Variants in PTCHD1 observed in about 807,000 individuals in gnomAD.
PTCHD1 encodes patched domain-containing protein 1.
A neutral mutation model predicts 34.6 loss-of-function variants in PTCHD1; 3 were observed. That is an observed-to-expected ratio of 0.09 (90% CI 0.04 to 0.22). The LOEUF (loss-of-function observed/expected upper bound fraction) is 0.22. PTCHD1 is among the 10% of genes least tolerant of loss of function. The pLI is 1.00. For synonymous variants in PTCHD1, 305 were observed against 283.1 expected (o/e 1.08, Z -0.77); for missense variants, 504 against 685.5 (o/e 0.74, Z 2.96).
At position 23,358,266 on chromosome X, in the gene PTCHD1, C is replaced by G. The variant is rs186634200; in HGVS notation, c.352-21325C>G. ...TCCACAATGATTGAACTAGTTTACA[C>G]TCCCACCAACAGTGTAAAAGTGTTC... is the stretch of plus-strand genomic sequence containing the variant. On this transcript the variant is annotated intron_variant, in intron 1 of 2. Transcript: ENST00000379361. Among the ~76,000 whole-genome samples, 291 of 112,150 alleles carry G rather than the reference C, an allele frequency of 2.6e-3. 1 individual carries two copies. Among genetic ancestry groups the G allele is most frequent in the African/African-American group, 9.1e-3 (281 of 30,887 alleles).
chrX:23,345,698 C>G (rs1289030080), intron 1 of PTCHD1, among the ~76,000 whole-genome samples: 1 of 111,265 alleles, frequency 9.0e-6, no homozygotes, highest in Non-Finnish European at 1.9e-5. Flanking sequence ...ACCACACTTT[C>G]AGAGCCACTG....
rs1246199302 is a variant in PTCHD1, at chrX:23,403,391, C to T, written c.*9206C>T. ...CTTGGTCAGTTTTGAGACAGATAAG[C>T]ATAAAACCCTACTAGAAAAAAATAA... On this transcript the variant is annotated 3_prime_UTR_variant, in exon 3 of 3. Transcript: ENST00000379361. The T allele has an allele frequency of 9.0e-6, 1 of 111,681 alleles. No individual in the cohort carries two copies. Among genetic ancestry groups the T allele is most frequent in the African/African-American group, 3.3e-5 (1 of 30,712 alleles). 9.2% of individuals were successfully genotyped at this position (111,681 alleles called of 1,213,427 possible).
chrX:23,382,085 C>A (rs1034345727), intron 2 of PTCHD1, among the ~76,000 whole-genome samples: 5 of 111,280 alleles, frequency 4.5e-5, no homozygotes, highest in Non-Finnish European at 7.5e-5. Context: ...GAGTGGGGAA[C>A]TGAAGGGAGA....
intron 1 of PTCHD1, among the ~76,000 whole-genome samples, chrX:23,340,424 G>A (rs1014829289): frequency 3.8e-5 from 4 of 103,924 alleles, no homozygotes; most frequent in African/African-American, 1.4e-4. Context: ...CTTGAATGAC[G>A]AAGGGGCTAA....
At chrX:23,352,110 G>C (rs182227995) in intron 1 of PTCHD1, among the ~76,000 whole-genome samples, 7 of 112,164 alleles carry the variant, frequency 6.2e-5, no homozygotes, top group South Asian at 7.5e-4. Flanking sequence ...TAAAAAGAGA[G>C]AGAGCCATGG....
intron 1 of PTCHD1, among the ~76,000 whole-genome samples, chrX:23,369,192 G>T (rs758856216): frequency 4.9e-4 from 55 of 111,694 alleles, no homozygotes; most frequent in Non-Finnish European, 1.5e-4. Flanking sequence ...ATTGGTGATG[G>T]GCTTGTGGCT....
chrX:23,340,105 C>A (rs1053958397), intron 1 of PTCHD1, among the ~76,000 whole-genome samples: 10 of 111,750 alleles, frequency 8.9e-5, no homozygotes, highest in Non-Finnish European at 1.5e-4. Flanking sequence ...TTACCCAGCC[C>A]CAAATGTTAA....
Position 23,393,876 on chromosome X carries a change from G to T in PTCHD1, c.2358G>T (p.Trp786Cys). 1 of 1,211,205 alleles carries T rather than the reference G, an allele frequency of 8.3e-7. No individual in the cohort carries two copies. Among genetic ancestry groups the T allele is most frequent in the South Asian group, 1.8e-5 (1 of 56,964 alleles). The change falls in exon 3 of 3, where the codon TGG becomes TGT. Residue 786 changes from tryptophan to cysteine, a missense_variant. By Grantham distance (215) the Trp-to-Cys change is radical (BLOSUM62 -2). Coordinates refer to ENST00000379361, the MANE Select transcript of PTCHD1 (RefSeq NM_173495.3). ...GCAAGGATTTCACAAGAACTAAATG[G>T]GTAAAAAATGCCCTGGAAGTGCATG... ...VLGKDFTRTKWVKNALEVHGV... is the reference protein window; with the variant it reads ...VLGKDFTRTKCVKNALEVHGV...
chrX:23,391,978 T>G (rs1008342240), intron 2 of PTCHD1, among the ~76,000 whole-genome samples: 2 of 109,774 alleles, frequency 1.8e-5, no homozygotes, highest in African/African-American at 6.7e-5. Context: ...TGCCTTAGCC[T>G]CCCAAGTAGC....
chrX:23,375,742 G>C (rs1401138044), intron 1 of PTCHD1, among the ~76,000 whole-genome samples: 4 of 111,754 alleles, frequency 3.6e-5, no homozygotes. Flanking sequence ...CTAGGCCTCA[G>C]TTGCAACAGC....
At position 23,403,204 on chromosome X, in the gene PTCHD1, C is replaced by A. The variant is rs909487781; in HGVS notation, c.*9019C>A. 4 of 112,031 alleles carry A rather than the reference C, an allele frequency of 3.6e-5. No homozygotes were observed. The highest frequency in any genetic ancestry group is 1.3e-4 in the African/African-American group (4 of 30,832). The allele number at this position is 112,031 out of a possible 1,213,427, so 9.2% of individuals were successfully genotyped here. A position where few individuals can be genotyped will look rare whatever the true frequency, so the allele number is the denominator to read the frequency against. The stretch of plus-strand genomic sequence containing the variant: ...AACCACTAATTCAGTATTCAGAAAC[C>A]TTATCATCTGTTCCTCCAAAAAGAC... On this transcript the variant is annotated 3_prime_UTR_variant, in exon 3 of 3. Coordinates refer to ENST00000379361, the MANE Select transcript of PTCHD1 (RefSeq NM_173495.3).
chrX:23,386,330 C>G (rs1922686312), intron 2 of PTCHD1, among the ~76,000 whole-genome samples: 1 of 111,656 alleles, frequency 9.0e-6, no homozygotes, highest in Admixed American at 9.5e-5. Context: ...AAACCCAATG[C>G]TCTGGTTAGA....
chrX:23,334,475 T>G (rs1463729435), upstream of PTCHD1: 1 of 108,460 alleles, frequency 9.2e-6, no homozygotes, highest in Non-Finnish European at 1.9e-5. Context: ...AGTGGGGTCA[T>G]GACGAGCCGC....
chrX:23,374,303 A>C (rs1922350666), intron 1 of PTCHD1, among the ~76,000 whole-genome samples: 1 of 100,851 alleles, frequency 9.9e-6, no homozygotes, highest in Non-Finnish European at 2.0e-5. Flanking sequence ...AAAAAAAAAA[A>C]AAAAAACCCA....
At chrX:23,361,859 T>G (rs1210611061) in intron 1 of PTCHD1, among the ~76,000 whole-genome samples, 1 of 111,926 alleles carries the variant, frequency 8.9e-6, no homozygotes, top group African/African-American at 3.3e-5. Flanking sequence ...TAACAAAATC[T>G]CTCGGCATTT....
intron 1 of PTCHD1, among the ~76,000 whole-genome samples, chrX:23,361,829 T>C (rs1304981085): frequency 3.6e-5 from 4 of 112,055 alleles, no homozygotes; most frequent in African/African-American, 9.7e-5. Flanking sequence ...TCAGGAGCTC[T>C]TGTAAGGCAG....
intron 1 of PTCHD1, among the ~76,000 whole-genome samples, chrX:23,372,583 T>C (rs772907469): frequency 9.0e-6 from 1 of 111,421 alleles, no homozygotes; most frequent in Non-Finnish European, 1.9e-5. Context: ...GGTTGGTCAT[T>C]CTCTAGACCT....
chrX:23,384,511 A>G (rs1450872432), intron 2 of PTCHD1, among the ~76,000 whole-genome samples: 1 of 112,153 alleles, frequency 8.9e-6, no homozygotes, highest in Non-Finnish European at 1.9e-5. Flanking sequence ...TTTTAACATT[A>G]TTCATATGTA....
chrX:23,335,346 C>G, intron 1 of PTCHD1, 120 bp downstream of exon 1: 1 of 572,821 alleles, frequency 1.7e-6, no homozygotes, highest in Non-Finnish European at 2.8e-6. Context: ...GCCGCAGGGA[C>G]TCTCCTGCAC....
Sources: gnomAD v4.1 joint callset for allele counts (sites outside exome capture counted in the v4.1 genomes callset) on GRCh38, gnomAD v4.1.1 for gene constraint, MANE v1.5 for transcripts, NCBI Gene and HGNC (gene_info 2026-07-23, HGNC 2026-07-21) for gene names.